Variants in PCDH15 observed in about 807,000 individuals in gnomAD.
PCDH15 encodes the protein protocadherin-15.
PCDH15 carries 129 observed loss-of-function variants against 178.5 expected under a neutral mutation model. The observed-to-expected ratio is 0.72, with a 90% confidence interval of 0.63 to 0.84. The LOEUF is 0.84. Among genes scored for constraint, PCDH15 ranks in the 40% least tolerant of loss-of-function variants. PCDH15 has a pLI of 0.00. For missense variants in PCDH15, 2,230 were observed against 2,099.9 expected (o/e 1.06, Z -1.21); for synonymous variants, 800 against 732.0 (o/e 1.09, Z -1.50).
chr10:54,941,176 T>G (rs1163845364), intron 2 of PCDH15, among the ~76,000 whole-genome samples: 8 of 152,054 alleles, frequency 5.3e-5, no homozygotes, highest in African/African-American at 1.2e-4. Flanking sequence ...TTTTTAAAAT[T>G]TTCTTAATGT....
chr10:54,924,804 C>T (rs1038532283), intron 2 of PCDH15, among the ~76,000 whole-genome samples: 19 of 152,004 alleles, frequency 1.2e-4, no homozygotes, highest in African/African-American at 4.6e-4. Context: ...TTATATTTTT[C>T]TTGTACATTT....
In PCDH15 at chr10:55,609,015, TACACAC is replaced by T. The variant is rs1290621408; in HGVS notation, c.-156+18604_-156+18609del. Among the ~76,000 whole-genome samples the T allele has an allele frequency of 7.1e-5, 9 of 126,816 alleles. No homozygotes were observed. In the South Asian group the frequency reaches 7.4e-4, roughly 10 times the overall value. The allele number at this position is 126,816 out of a possible 152,430, so 83.2% of individuals were successfully genotyped here. On this transcript the variant is annotated intron_variant, in intron 2 of 5. Coordinates refer to the PCDH15 transcript ENST00000613346. ...ACTATACATATATGTTATATATATA[TACACAC>T]ACACACACACACACACACACACACG...
chr10:55,261,881 A>G (rs576201018), intron 1 of PCDH15, among the ~76,000 whole-genome samples: 7 of 152,244 alleles, frequency 4.6e-5, no homozygotes, highest in African/African-American at 1.7e-4. Context: ...GCCAATTGTT[A>G]TTGCACTAAC....
intron 3 of PCDH15, among the ~76,000 whole-genome samples, chr10:54,507,803 G>T (rs2081295797): frequency 6.6e-6 from 1 of 151,886 alleles, no homozygotes; most frequent in Non-Finnish European, 1.5e-5. Context: ...CACTAATTTG[G>T]CAATAACTTA....
chr10:53,951,981 C>T (rs1387014643), intron 23 of PCDH15, among the ~76,000 whole-genome samples: 1 of 152,190 alleles, frequency 6.6e-6, no homozygotes, highest in Non-Finnish European at 1.5e-5. Flanking sequence ...TGGTGCACTG[C>T]AAGCAGATTC....
At chr10:55,329,953 G>A (rs1844154773) in intron 2 of PCDH15, among the ~76,000 whole-genome samples, 3 of 151,714 alleles carry the variant, frequency 2.0e-5, no homozygotes, top group Admixed American at 2.0e-4. Context: ...CAACTGACAT[G>A]CTATGAACTG....
chr10:53,825,146 G>T, intron 32 of PCDH15: 1 of 1,538,610 alleles, frequency 6.5e-7, no homozygotes. Context: ...TTATGCCTAT[G>T]TATCCACAGG....
chr10:53,888,306 A>G lies in PCDH15; in HGVS notation c.3501+14937T>C, dbSNP rs370659769. On this transcript the variant is annotated intron_variant, in intron 26 of 37. Coordinates refer to ENST00000644397, the MANE Select transcript of PCDH15 (RefSeq NM_001384140.1). ...ACTATATATACATATATATATATAT[A>G]TATGTATATATGTACGTATATATAT... is the stretch of plus-strand genomic sequence containing the variant. 4.9e-4 allele frequency among the ~76,000 whole-genome samples: 17 copies of G among 34,352 alleles called. 2 individuals carry two copies. The East Asian group carries it at 0.015, about 30-fold the overall frequency. 22.5% of individuals were successfully genotyped at this position (34,352 alleles called of 152,430 possible). A position where few individuals can be genotyped will look rare whatever the true frequency, so the allele number is the denominator to read the frequency against.
intron 14 of PCDH15, among the ~76,000 whole-genome samples, chr10:54,150,920 A>G (rs1295886958): frequency 6.6e-6 from 1 of 151,600 alleles, no homozygotes; most frequent in Non-Finnish European, 1.5e-5. Context: ...TTATGTCCTA[A>G]TAGAATCTAC....
chr10:54,002,851 G>T (rs184444497), intron 20 of PCDH15, among the ~76,000 whole-genome samples: 2 of 152,150 alleles, frequency 1.3e-5, no homozygotes, highest in East Asian at 3.9e-4. Flanking sequence ...GAAAGGGGAG[G>T]GGGTAACACA....
chr10:55,304,408 T>C (rs1218604419), intron 1 of PCDH15, among the ~76,000 whole-genome samples: 1 of 152,216 alleles, frequency 6.6e-6, no homozygotes, highest in Non-Finnish European at 1.5e-5. Context: ...CCATGGTTCC[T>C]AGCCAGTCTG....
chr10:55,486,852 C>G (rs554842305), intron 2 of PCDH15, among the ~76,000 whole-genome samples: 1 of 151,408 alleles, frequency 6.6e-6, no homozygotes, highest in Non-Finnish European at 1.5e-5. Context: ...AAACAGAGGC[C>G]TCTTCTCACT....
At chr10:54,677,967 C>G (rs554091032) in intron 1 of PCDH15, among the ~76,000 whole-genome samples, 6 of 152,144 alleles carry the variant, frequency 3.9e-5, no homozygotes, top group Non-Finnish European at 7.4e-5. Context: ...AATTCTCACA[C>G]TTTAGAGTAT....
chr10:55,597,133 T>C (rs1246418370), intron 2 of PCDH15: 2 of 152,212 alleles, frequency 1.3e-5, no homozygotes, highest in African/African-American at 2.4e-5. Context: ...GCCTGATCCC[T>C]GCGGAATCGA....
intron 2 of PCDH15, among the ~76,000 whole-genome samples, chr10:54,552,536 C>CT (rs950107722): frequency 6.6e-6 from 1 of 152,158 alleles, no homozygotes; most frequent in Non-Finnish European, 1.5e-5. Context: ...AGTTTGAAAC[C>CT]TAGCTCATGG....
chr10:54,629,343 T>G (rs2093640076), intron 2 of PCDH15, among the ~76,000 whole-genome samples: 1 of 152,092 alleles, frequency 6.6e-6, no homozygotes. Flanking sequence ...CAAGAGAAGA[T>G]AAGCAAAATG....
At chr10:54,675,460 G>GTTTTTTTTTTTTTTTTATTTTT (rs34250846) in intron 1 of PCDH15, among the ~76,000 whole-genome samples, 1 of 118,202 alleles carries the variant, frequency 8.5e-6, no homozygotes, top group Non-Finnish European at 1.8e-5. Context: ...TTTTCATGTT[G>GTTTTTTTTTTTTTTTTATTTTT]TTTTTTTTTT....
At chr10:55,068,700 T>A (rs1279330690) in intron 2 of PCDH15, among the ~76,000 whole-genome samples, 2 of 152,098 alleles carry the variant, frequency 1.3e-5, no homozygotes, top group Admixed American at 6.6e-5. Flanking sequence ...CATTTTAATA[T>A]TAATTCTACC....
intron 8 of PCDH15, among the ~76,000 whole-genome samples, chr10:54,286,829 T>A (rs1242453542): frequency 6.6e-6 from 1 of 152,204 alleles, no homozygotes; most frequent in Non-Finnish European, 1.5e-5. Flanking sequence ...GGTTTTGCCA[T>A]GTTGGCCAGG....
Sources: allele counts gnomAD v4.1 joint callset (sites outside exome capture counted in the v4.1 genomes callset), GRCh38; gene constraint gnomAD v4.1.1; transcripts MANE v1.5; gene names NCBI Gene and HGNC (gene_info 2026-07-23, HGNC 2026-07-21).